Variants in TSC22D1 observed in about 807,000 individuals in gnomAD.
TSC22D1 encodes TSC22 domain family protein 1.
Under a neutral mutation model 74.2 loss-of-function variants are expected in TSC22D1, and 9 were observed. The observed-to-expected ratio is 0.12, with a 90% CI of 0.07 to 0.21. The LOEUF is 0.21. Ranked by LOEUF, TSC22D1 falls within the 10% of genes least tolerant of loss-of-function variation. TSC22D1 has a pLI of 1.00. For missense variants in TSC22D1, 1,427 were observed against 1,304.7 expected, an observed-to-expected ratio of 1.09 and a Z score of -1.44; for synonymous variants, 586 against 492.5, an observed-to-expected ratio of 1.19 and a Z score of -2.51.
At chr13:44,551,014 G>A (rs562871494) in intron 1 of TSC22D1, among the ~76,000 whole-genome samples, 2 of 151,938 alleles carry the variant, frequency 1.3e-5, no homozygotes, top group South Asian at 4.2e-4. Context: ...GGCTGAGGTG[G>A]GAGGATCACC....
chr13:44,448,399 G>A (rs992881189), intron 1 of TSC22D1, among the ~76,000 whole-genome samples: 5 of 152,094 alleles, frequency 3.3e-5, no homozygotes, highest in East Asian at 1.9e-4. Flanking sequence ...GCCACTTAGG[G>A]TCATTAGAGG....
intron 1 of TSC22D1, chr13:44,538,861 G>T: frequency 1.0e-6 from 1 of 985,366 alleles, no homozygotes; most frequent in Non-Finnish European, 1.2e-6. Context: ...TGCTGAAGAA[G>T]TATGATGTTT....
intron 1 of TSC22D1, among the ~76,000 whole-genome samples, chr13:44,460,935 G>A (rs1378575379): frequency 6.6e-6 from 1 of 152,194 alleles, no homozygotes; most frequent in African/African-American, 2.4e-5. Flanking sequence ...TTTCTTAGCA[G>A]TAGGAATGAT....
chr13:44,451,721 G>A (rs567112568), intron 1 of TSC22D1, among the ~76,000 whole-genome samples: 3 of 152,322 alleles, frequency 2.0e-5, no homozygotes, highest in Admixed American at 1.3e-4. Context: ...AGAAGAATGC[G>A]GCATGAAGCC....
intron 1 of TSC22D1, among the ~76,000 whole-genome samples, chr13:44,446,196 C>A (rs527296118): frequency 1.3e-5 from 2 of 152,258 alleles, no homozygotes; most frequent in African/African-American, 4.8e-5. Flanking sequence ...AAACAAACTA[C>A]TGATACACAT....
At chr13:44,493,096 A>C (rs1048409280) in intron 1 of TSC22D1, among the ~76,000 whole-genome samples, 3 of 152,220 alleles carry the variant, frequency 2.0e-5, no homozygotes, top group African/African-American at 7.2e-5. Flanking sequence ...AGAAACTATC[A>C]GAATTAACTT....
At chr13:44,437,644 A>C (rs1248976481) in intron 1 of TSC22D1, among the ~76,000 whole-genome samples, 1 of 152,158 alleles carries the variant, frequency 6.6e-6, no homozygotes, top group African/African-American at 2.4e-5. Flanking sequence ...AGACCCAAAA[A>C]AGTCAATCCA....
chr13:44,437,999 C>T (rs961027156), intron 1 of TSC22D1, among the ~76,000 whole-genome samples: 7 of 152,186 alleles, frequency 4.6e-5, no homozygotes, highest in African/African-American at 1.7e-4. Flanking sequence ...TATAAAATAG[C>T]TTAACCCTTT....
chr13:44,566,413 A>G (rs529423167), intron 1 of TSC22D1, among the ~76,000 whole-genome samples: 1 of 152,322 alleles, frequency 6.6e-6, no homozygotes, highest in Admixed American at 6.5e-5. Context: ...GTAGACATTA[A>G]CTGAATCTAA....
At chr13:44,462,689 T>C (rs933626094) in intron 1 of TSC22D1, among the ~76,000 whole-genome samples, 2 of 152,158 alleles carry the variant, frequency 1.3e-5, no homozygotes, top group African/African-American at 4.8e-5. Context: ...CCTCTACTTA[T>C]AGTATTTGTC....
At chr13:44,561,974 A>AT (rs1883070558) in intron 1 of TSC22D1, among the ~76,000 whole-genome samples, 1 of 152,220 alleles carries the variant, frequency 6.6e-6, no homozygotes, top group African/African-American at 2.4e-5. Flanking sequence ...AATAAATTAC[A>AT]TTCTTTCAGA....
At chr13:44,452,878 G>A (rs1876260297) in intron 1 of TSC22D1, 1 of 152,324 alleles carries the variant, frequency 6.6e-6, no homozygotes, top group African/African-American at 2.4e-5. Flanking sequence ...GCTGCTTTTG[G>A]CTTTAAAGGT....
At chr13:44,457,161 C>T (rs560927960) in intron 1 of TSC22D1, among the ~76,000 whole-genome samples, 5 of 152,300 alleles carry the variant, frequency 3.3e-5, no homozygotes, top group South Asian at 2.1e-4. Context: ...ATCAGGTGAA[C>T]GCAGGAAACT....
At chr13:44,531,632 C>T (rs978971226) in intron 1 of TSC22D1, among the ~76,000 whole-genome samples, 2 of 152,138 alleles carry the variant, frequency 1.3e-5, no homozygotes, top group African/African-American at 4.8e-5. Context: ...AGGATATATC[C>T]TAACTCAACC....
At chr13:44,569,048 C>T (rs952412335) in intron 1 of TSC22D1, among the ~76,000 whole-genome samples, 6 of 152,094 alleles carry the variant, frequency 3.9e-5, no homozygotes, top group African/African-American at 1.2e-4. Context: ...GAAGTTAATA[C>T]AGACAAAAAG....
At chr13:44,456,580 C>T (rs1354276816) in intron 1 of TSC22D1, among the ~76,000 whole-genome samples, 1 of 152,212 alleles carries the variant, frequency 6.6e-6, no homozygotes, top group Non-Finnish European at 1.5e-5. Context: ...GCCGGCTTCA[C>T]CTTTCACAAT....
chr13:44,551,060 A>T (rs961934014), intron 1 of TSC22D1, among the ~76,000 whole-genome samples: 1 of 151,170 alleles, frequency 6.6e-6, no homozygotes, highest in East Asian at 1.9e-4. Flanking sequence ...GTGAGCTGTG[A>T]TTGCACCACT....
At chr13:44,512,153 TTTTG>T (rs145167824) in intron 1 of TSC22D1, among the ~76,000 whole-genome samples, 3,378 of 152,050 alleles carry the variant, frequency 0.022, 125 homozygotes, top group African/African-American at 0.076. Context: ...TTATTTCTTT[TTTTG>T]TTTGTTTGTT....
At chr13:44,512,511 T>C (rs1033235139) in intron 1 of TSC22D1, among the ~76,000 whole-genome samples, 1 of 152,014 alleles carries the variant, frequency 6.6e-6, no homozygotes, top group African/African-American at 2.4e-5. Context: ...AGCTTAGTGT[T>C]TCCTCTGTAA....
Sources: gnomAD v4.1 joint callset for allele counts (sites outside exome capture counted in the v4.1 genomes callset) on GRCh38, gnomAD v4.1.1 for gene constraint, MANE v1.5 for transcripts, NCBI Gene and HGNC (gene_info 2026-07-23, HGNC 2026-07-21) for gene names.